PTPRG: variants seen among roughly 807,000 people sequenced by gnomAD.
The protein encoded by PTPRG is receptor-type tyrosine-protein phosphatase gamma.
A neutral mutation model predicts 165.3 loss-of-function variants in PTPRG; 102 were observed. The observed-to-expected ratio is 0.62, with a 90% CI of 0.53 to 0.73. PTPRG has a LOEUF of 0.73. Among genes scored for constraint, PTPRG ranks in the 30% least tolerant of loss-of-function variants. The pLI is 0.00. For missense variants in PTPRG, 1,866 were observed against 1,861.4 expected (o/e 1.00, Z -0.05); for synonymous variants, 675 against 669.5 (o/e 1.01, Z -0.13).
intron 4 of PTPRG, among the ~76,000 whole-genome samples, chr3:62,031,705 G>C (rs1279962523): frequency 6.6e-6 from 1 of 152,114 alleles, no homozygotes. Context: ...AGATCTGATT[G>C]GAGGCAGGGG....
In PTPRG at chr3:62,273,032, G is replaced by A; in HGVS notation, c.3269G>A (p.Gly1090Glu). ...GACAAAAGCACAGTTAACGTCCTGG[G>A]ATTCCTGAAGCATATCAGGACACAG... The part of the protein sequence containing the change: ...IKDKSTVNVL[G>E]FLKHIRTQRN... The change falls in exon 22 of 30, where the codon GGA (glycine) becomes GAA (glutamate). Residue 1090 changes from glycine to glutamate, a missense_variant. Around this residue, in one of 3 missense-constraint regions of PTPRG, gnomAD observed 1,452 missense variants for 1,463.0 expected, o/e 0.99. Transcript: ENST00000474889. This position sits in a 1 kb window ranked among gnomAD's most constrained non-coding sequence, Gnocchi z 4.1. The A allele has an allele frequency of 6.2e-7, 1 of 1,613,798 alleles. No individual in the cohort carries two copies. The highest frequency in any genetic ancestry group is 8.5e-7 in the Non-Finnish European group (1 of 1,179,824).
chr3:61,870,001 C>T (rs577360107), intron 2 of PTPRG, among the ~76,000 whole-genome samples: 4 of 152,150 alleles, frequency 2.6e-5, no homozygotes, highest in African/African-American at 9.6e-5. Flanking sequence ...CCCTACGTCC[C>T]CTCCCCCTTC....
At chr3:61,784,500 C>A (rs895170182) in intron 2 of PTPRG, among the ~76,000 whole-genome samples, 1 of 151,972 alleles carries the variant, frequency 6.6e-6, no homozygotes, top group Non-Finnish European at 1.5e-5. Context: ...GGAATGAGTA[C>A]GGACTGTGGT....
At chr3:61,893,043 A>G (rs917329397) in intron 2 of PTPRG, among the ~76,000 whole-genome samples, 1 of 152,198 alleles carries the variant, frequency 6.6e-6, no homozygotes, top group African/African-American at 2.4e-5. Flanking sequence ...AGATGTTCTT[A>G]CATTTAGACT....
chr3:61,942,887 T>C (rs1239214116), intron 2 of PTPRG, among the ~76,000 whole-genome samples: 1 of 152,220 alleles, frequency 6.6e-6, no homozygotes, highest in Non-Finnish European at 1.5e-5. Context: ...TGAAATCTCC[T>C]TTAAATAGAC....
At chr3:61,851,117 C>T (rs1389026462) in intron 2 of PTPRG, among the ~76,000 whole-genome samples, 1 of 152,186 alleles carries the variant, frequency 6.6e-6, no homozygotes, top group Non-Finnish European at 1.5e-5. Flanking sequence ...ACAAATGATA[C>T]ATAGTAACCT....
intron 1 of PTPRG, among the ~76,000 whole-genome samples, chr3:61,700,270 T>C (rs548934012): frequency 6.6e-6 from 1 of 152,326 alleles, no homozygotes; most frequent in South Asian, 2.1e-4. Flanking sequence ...GAGATTTTTC[T>C]CATAAAGGCA....
chr3:61,629,186 GCT>G (rs1475251332), intron 1 of PTPRG, among the ~76,000 whole-genome samples: 3 of 152,092 alleles, frequency 2.0e-5, no homozygotes, highest in African/African-American at 4.8e-5. Context: ...ATGGAGTCTT[GCT>G]CTGTCATCCA....
At chr3:61,820,552 C>T (rs1253874349) in intron 2 of PTPRG, among the ~76,000 whole-genome samples, 2 of 151,296 alleles carry the variant, frequency 1.3e-5, no homozygotes, top group Admixed American at 1.3e-4. Context: ...ACAGAAATAC[C>T]CATCATCTCA....
chr3:61,892,690 C>T (rs1279640281), intron 2 of PTPRG, among the ~76,000 whole-genome samples: 1 of 152,018 alleles, frequency 6.6e-6, no homozygotes. Context: ...GTGGAACGTT[C>T]CTGTAATCCC....
At chr3:61,566,389 T>G (rs1407464955) in intron 1 of PTPRG, among the ~76,000 whole-genome samples, 2 of 152,276 alleles carry the variant, frequency 1.3e-5, no homozygotes, top group African/African-American at 2.4e-5. Flanking sequence ...GAATCAGTTA[T>G]ACACCTGTGT....
intron 1 of PTPRG, among the ~76,000 whole-genome samples, chr3:61,677,388 T>G (rs1438669466): frequency 6.6e-6 from 1 of 152,200 alleles, no homozygotes; most frequent in Non-Finnish European, 1.5e-5. Flanking sequence ...TTCTTCCCAC[T>G]TTACATGTGA....
intron 4 of PTPRG, among the ~76,000 whole-genome samples, chr3:62,069,628 A>G (rs1701134596): frequency 6.8e-6 from 1 of 147,386 alleles, no homozygotes; most frequent in Admixed American, 7.0e-5. Flanking sequence ...AGAGAGCCAT[A>G]GGATCGATGT....
At chr3:61,594,090 A>G (rs1020412398) in intron 1 of PTPRG, among the ~76,000 whole-genome samples, 3 of 152,190 alleles carry the variant, frequency 2.0e-5, no homozygotes, top group African/African-American at 7.2e-5. Context: ...AGCAGAATCT[A>G]AACTGTATAC....
At chr3:61,844,607 A>C (rs961591386) in intron 2 of PTPRG, among the ~76,000 whole-genome samples, 9 of 148,448 alleles carry the variant, frequency 6.1e-5, no homozygotes, top group African/African-American at 1.3e-4. Flanking sequence ...TCATGGGCTC[A>C]AGTAATCCTC....
intron 2 of PTPRG, among the ~76,000 whole-genome samples, chr3:61,788,128 T>G (rs1348581739): frequency 6.6e-6 from 1 of 152,164 alleles, no homozygotes; most frequent in Non-Finnish European, 1.5e-5. Flanking sequence ...AGTTTAAAAG[T>G]GATTTACTCC....
chr3:61,832,234 G>C (rs1408655574), intron 2 of PTPRG, among the ~76,000 whole-genome samples: 3 of 152,234 alleles, frequency 2.0e-5, no homozygotes, highest in African/African-American at 7.2e-5. Context: ...CATGGAGATA[G>C]AAGCTCCACT....
rs200547448 is a variant in PTPRG at position 61,690,813 on chromosome 3, AT to A, written c.86-58054del. ...TGTGTCAGGCTTTTGCTAGAGAGTG[AT>A]TTTTTTTTTTCAAGGAAATTAATAG... On this transcript the variant is annotated intron_variant, in intron 1 of 29. Transcript: ENST00000474889. Among the ~76,000 whole-genome samples, 163 of 147,710 alleles carry A rather than the reference AT, an allele frequency of 1.1e-3. 1 individual carries two copies. The highest frequency in any genetic ancestry group is 3.6e-3 in the African/African-American group (144 of 40,258).
At chr3:61,889,863 G>C (rs1032801996) in intron 2 of PTPRG, among the ~76,000 whole-genome samples, 1 of 152,034 alleles carries the variant, frequency 6.6e-6, no homozygotes, top group Non-Finnish European at 1.5e-5. Context: ...GCCAATATTC[G>C]TAATCTGGAT....
Sources: allele counts gnomAD v4.1 joint callset (sites outside exome capture counted in the v4.1 genomes callset), GRCh38; gene constraint gnomAD v4.1.1; regional missense constraint gnomAD v4.1.1; non-coding constraint Gnocchi (gnomAD v3.1); transcripts MANE v1.5; gene names NCBI Gene and HGNC (gene_info 2026-07-23, HGNC 2026-07-21).